NUDCD3: variants seen among roughly 807,000 people sequenced by gnomAD.
NUDCD3 encodes the protein nudC domain-containing protein 3.
A neutral mutation model predicts 39.7 loss-of-function variants in NUDCD3; 13 were observed. The observed-to-expected ratio is 0.33, with a 90% confidence interval of 0.21 to 0.52. The LOEUF (loss-of-function observed/expected upper bound fraction) is 0.52, where lower values mean the gene tolerates loss of function less well. NUDCD3 is among the 20% of genes least tolerant of loss of function. The probability of loss-of-function intolerance (pLI) is 0.96; values close to 1 mark genes in which losing one functional copy is unlikely to be tolerated. For synonymous variants in NUDCD3, 175 were observed against 172.4 expected, an observed-to-expected ratio of 1.02 and a Z score of -0.12; for missense variants, 453 against 458.1, an observed-to-expected ratio of 0.99 and a Z score of 0.10.
intron 3 of NUDCD3, among the ~76,000 whole-genome samples, chr7:44,409,518 C>T (rs144942017): frequency 6.2e-4 from 94 of 152,060 alleles, no homozygotes; most frequent in African/African-American, 2.1e-3. Flanking sequence ...ATCTGATTTC[C>T]TGAGTCACCC....
At chr7:44,465,392 C>T (rs1800098569) in intron 2 of NUDCD3, among the ~76,000 whole-genome samples, 1 of 152,162 alleles carries the variant, frequency 6.6e-6, no homozygotes, top group African/African-American at 2.4e-5. Flanking sequence ...TTAGAGAACA[C>T]AGCAGACACC....
At chr7:44,430,524 C>G (rs1354993243) in intron 2 of NUDCD3, among the ~76,000 whole-genome samples, 3 of 150,818 alleles carry the variant, frequency 2.0e-5, no homozygotes, top group Non-Finnish European at 4.4e-5. Flanking sequence ...TGAAAAAAGT[C>G]AAAATTGTGA....
intron 3 of NUDCD3, among the ~76,000 whole-genome samples, chr7:44,421,142 G>A (rs1799129104): frequency 6.6e-6 from 1 of 152,036 alleles, no homozygotes; most frequent in African/African-American, 2.4e-5. Context: ...GACCAGTCTG[G>A]CCAATATGGT....
chr7:44,474,266 G>T (rs755081653), intron 2 of NUDCD3, among the ~76,000 whole-genome samples: 1 of 151,086 alleles, frequency 6.6e-6, no homozygotes, highest in Non-Finnish European at 1.5e-5. Flanking sequence ...TATTTTAAAA[G>T]AAATTGGCTA....
rs561712164 is a variant in NUDCD3 at position 44,384,908 on chromosome 7, T to A, written c.*1103A>T. The A allele has an allele frequency of 1.3e-5, 2 of 152,290 alleles. No homozygotes were observed. The highest frequency in any genetic ancestry group is 4.8e-5 in the African/African-American group (2 of 41,432). 9.4% of individuals were successfully genotyped at this position (152,290 alleles called of 1,614,324 possible). A position where few individuals can be genotyped will look rare whatever the true frequency, so the allele number is the denominator to read the frequency against. On this transcript the variant is annotated 3_prime_UTR_variant, in exon 6 of 6. Transcript: ENST00000355451. ...CAGTCAGCAGCCATGGCTCAGGGCA[T>A]AGGCTTGGGGGTCCTGAGGCAGTGA...
At chr7:44,386,251 G>A (rs969378497) in intron 5 of NUDCD3, 130 bp from the exon 6 acceptor site, 22 of 983,902 alleles carry the variant, frequency 2.2e-5, no homozygotes, top group Middle Eastern at 2.2e-4. Context: ...TGGCAAGACC[G>A]GCTGGCCAGA....
chr7:44,472,665 G>C (rs1289850921), intron 2 of NUDCD3, among the ~76,000 whole-genome samples: 1 of 152,128 alleles, frequency 6.6e-6, no homozygotes, highest in Non-Finnish European at 1.5e-5. Context: ...CAAACAAAAT[G>C]AACAAATGGT....
Position 44,384,550 on chromosome 7 carries a change from TGTAAACCA to T in NUDCD3, c.*1453_*1460del, listed in dbSNP as rs1798367633. ...TCTTACAAGGGGTGTCAGCCACCACTGTAAACCAGAAACAAACCACAAACTTACTCTCC... is the reference window on the plus strand; with the variant it reads ...TCTTACAAGGGGTGTCAGCCACCACTGAAACAAACCACAAACTTACTCTCC... On this transcript the variant is annotated 3_prime_UTR_variant, in exon 6 of 6. Coordinates refer to ENST00000355451, the MANE Select transcript of NUDCD3 (RefSeq NM_015332.4). 6.6e-6 allele frequency: 1 copy of T among 152,266 alleles called. No individual in the cohort carries two copies. Among genetic ancestry groups the T allele is most frequent in the African/African-American group, 2.4e-5 (1 of 41,454 alleles). 9.4% of individuals were successfully genotyped at this position (152,266 alleles called of 1,614,324 possible).
intron 2 of NUDCD3, among the ~76,000 whole-genome samples, chr7:44,442,490 C>T (rs1220441057): frequency 6.6e-6 from 1 of 152,064 alleles, no homozygotes; most frequent in Admixed American, 6.5e-5. Context: ...GGACCCAGGG[C>T]AGGGCCAAGG....
intron 3 of NUDCD3, chr7:44,426,180 G>C: frequency 1.0e-6 from 1 of 985,158 alleles, no homozygotes; most frequent in Non-Finnish European, 1.2e-6. Flanking sequence ...GGGGGTGACC[G>C]GGTGTTTGTA....
rs750560463 is a variant in NUDCD3 at position 44,404,528 on chromosome 7, C to T, written c.698G>A (p.Gly233Glu). ...SIRVAMLEENGERVLMEGKLT... is the reference protein window; with the variant it reads ...SIRVAMLEENEERVLMEGKLT... ...CTTCCCTTCCATGAGGACGCGCTCC[C>T]CATTTTCCTCCAGCATGGCCACACG... The change falls in exon 4 of 6, where the codon GGG (glycine) becomes GAG (glutamate). Residue 233 changes from glycine to glutamate, a missense_variant. Physicochemically the swap from Gly to Glu is moderately conservative, Grantham distance 98. Coordinates refer to ENST00000355451, the MANE Select transcript of NUDCD3 (RefSeq NM_015332.4). The T allele has an allele frequency of 3.7e-6, 6 of 1,614,042 alleles. No homozygotes were observed. Among genetic ancestry groups the T allele is most frequent in the Non-Finnish European group, 5.1e-6 (6 of 1,180,008 alleles).
rs1278644057 is a variant in NUDCD3, at chr7:44,384,609, C to T, written c.*1402G>A. ...AAGAGAGCCCCCACAACCCAAGTAT[C>T]CATAGAGAGTGTGCAGGAGCGGGGA... On this transcript the variant is annotated 3_prime_UTR_variant, in exon 6 of 6. Coordinates refer to ENST00000355451, the MANE Select transcript of NUDCD3 (RefSeq NM_015332.4). 6.6e-6 allele frequency: 1 copy of T among 152,270 alleles called. No homozygotes were observed. The highest frequency in any genetic ancestry group is 2.4e-5 in the African/African-American group (1 of 41,474). The allele number at this position is 152,270 out of a possible 1,614,324, so 9.4% of individuals were successfully genotyped here. A position where few individuals can be genotyped will look rare whatever the true frequency, so the allele number is the denominator to read the frequency against.
At chr7:44,441,791 T>C (rs1799590257) in intron 2 of NUDCD3, among the ~76,000 whole-genome samples, 1 of 152,158 alleles carries the variant, frequency 6.6e-6, no homozygotes, top group Non-Finnish European at 1.5e-5. Flanking sequence ...AGTGATTAAG[T>C]GGCTCTCAGA....
intron 2 of NUDCD3, among the ~76,000 whole-genome samples, chr7:44,471,300 GTAAA>G (rs1800252833): frequency 6.6e-6 from 1 of 152,214 alleles, no homozygotes; most frequent in Non-Finnish European, 1.5e-5. Context: ...AAAATGCTAT[GTAAA>G]TAGTTGTTAA....
chr7:44,418,762 C>G (rs1414558559), intron 3 of NUDCD3, among the ~76,000 whole-genome samples: 1 of 152,204 alleles, frequency 6.6e-6, no homozygotes, highest in African/African-American at 2.4e-5. Context: ...GCAGCGGGTG[C>G]AGCCCACAGA....
intron 2 of NUDCD3, chr7:44,468,085 C>T: frequency 1.2e-6 from 2 of 1,611,492 alleles, no homozygotes; most frequent in Non-Finnish European, 1.7e-6. Flanking sequence ...ATGGGAGCAA[C>T]AAAAAAACAA....
rs1798902802 is a variant in NUDCD3, at chr7:44,410,476, C to A, written c.643-5893G>T. ...AGAAGATCAAGACCATCCTGGCTAA[C>A]ATGGTGAAACCCCGTCTCTACTAAA... On this transcript the variant is annotated intron_variant, in intron 3 of 5. Transcript: ENST00000355451. 2.6e-5 allele frequency among the ~76,000 whole-genome samples: 4 copies of A among 151,814 alleles called. No individual in the cohort carries two copies. In the South Asian group the frequency reaches 8.3e-4, roughly 32 times the overall value.
At chr7:44,421,479 A>G (rs1477155287) in intron 3 of NUDCD3, among the ~76,000 whole-genome samples, 1 of 125,950 alleles carries the variant, frequency 7.9e-6, no homozygotes, top group Non-Finnish European at 1.6e-5. Context: ...TACCAAGCAA[A>G]TGGAAAGCAA....
chr7:44,410,972 A>G lies in NUDCD3; in HGVS notation c.643-6389T>C, dbSNP rs1012149054. On this transcript the variant is annotated intron_variant, in intron 3 of 5. Coordinates refer to ENST00000355451, the MANE Select transcript of NUDCD3 (RefSeq NM_015332.4). ...AGAGCGAGACTCTATCTCAAAATAA[A>G]GTCTAGTAACAAACTCATATATTTA... Among the ~76,000 whole-genome samples, 6 of 152,302 alleles carry G rather than the reference A, an allele frequency of 3.9e-5. No individual in the cohort carries two copies. In the East Asian group the frequency reaches 7.7e-4, roughly 20 times the overall value.
Sources: gnomAD v4.1 joint callset for allele counts (sites outside exome capture counted in the v4.1 genomes callset) on GRCh38, gnomAD v4.1.1 for gene constraint, MANE v1.5 for transcripts, NCBI Gene and HGNC (gene_info 2026-07-23, HGNC 2026-07-21) for gene names.